The following MSTO1 variants were observed in gnomAD, a reference collection of about 807,000 sequenced individuals.
MSTO1 encodes misato mitochondrial distribution and morphology regulator 1.
MSTO1 carries 24 observed loss-of-function variants against 55.7 expected under a neutral mutation model. That is an observed-to-expected ratio of 0.43 (90% CI 0.31 to 0.61). The LOEUF (loss-of-function observed/expected upper bound fraction) is 0.61. Among genes scored for constraint, MSTO1 ranks in the 20% least tolerant of loss-of-function variants. MSTO1 has a pLI of 0.09. For missense variants in MSTO1, 363 were observed against 625.7 expected, an observed-to-expected ratio of 0.58 and a Z score of 4.48; for synonymous variants, 162 against 252.8, an observed-to-expected ratio of 0.64 and a Z score of 3.41.
At chr1:155,576,273 T>C in the MSTO1 span, among the ~76,000 whole-genome samples, 3 of 152,188 alleles carry the variant, frequency 2.0e-5, no homozygotes, top group Non-Finnish European at 2.9e-5. Flanking sequence ...GAAGTACAAG[T>C]GTCTGATTTG....
chr1:155,603,380 A>G, the MSTO1 span, among the ~76,000 whole-genome samples: 2 of 151,798 alleles, frequency 1.3e-5, no homozygotes, highest in East Asian at 1.9e-4. Context: ...CTGGGCATCA[A>G]TGAGACTCTG....
chr1:155,578,640 A>C, the MSTO1 span, among the ~76,000 whole-genome samples: 2 of 149,234 alleles, frequency 1.3e-5, no homozygotes, highest in African/African-American at 4.9e-5. Flanking sequence ...CCTCCCGAGT[A>C]GCTGGGACTA....
At chr1:155,606,815 C>T (rs781259112), upstream of MSTO1, among the ~76,000 whole-genome samples, 1 of 151,982 alleles carries the variant, frequency 6.6e-6, no homozygotes, top group Non-Finnish European at 1.5e-5. Flanking sequence ...GCCACTGCAG[C>T]CGGCCCAGAT....
At chr1:155,569,991 A>G in the MSTO1 span, among the ~76,000 whole-genome samples, 1 of 152,212 alleles carries the variant, frequency 6.6e-6, no homozygotes, top group Non-Finnish European at 1.5e-5. Context: ...AAGTCGAGAA[A>G]GATAATTACC....
At chr1:155,606,198 C>CTTTTTTTTTTTTTTTT (rs747681932), upstream of MSTO1, among the ~76,000 whole-genome samples, 21 of 28,106 alleles carry the variant, frequency 7.5e-4, 1 homozygote, top group Admixed American at 1.7e-3. Flanking sequence ...CATGCCCAGC[C>CTTTTTTTTTTTTTTTT]TTTTTTTTTT....
At chr1:155,597,244 G>A in the MSTO1 span, among the ~76,000 whole-genome samples, 3 of 152,038 alleles carry the variant, frequency 2.0e-5, no homozygotes, top group South Asian at 2.1e-4. Flanking sequence ...CAACGCAGGC[G>A]GATCACCTGA....
chr1:155,591,924 C>A, the MSTO1 span, among the ~76,000 whole-genome samples: 1 of 152,102 alleles, frequency 6.6e-6, no homozygotes, highest in African/African-American at 2.4e-5. Flanking sequence ...GGCAATATAG[C>A]AAGACCCCAC....
At chr1:155,590,862 G>A in the MSTO1 span, 9 of 1,611,028 alleles carry the variant, frequency 5.6e-6, no homozygotes, top group African/African-American at 1.1e-4. Context: ...AGCAAACGGG[G>A]ATTAGTGTCA....
Position 155,612,173 on chromosome 1 carries a change from C to T in MSTO1, c.679-9C>T, listed in dbSNP as rs1425737425. 2 of 1,613,830 alleles carry T rather than the reference C, an allele frequency of 1.2e-6. No individual in the cohort carries two copies. The highest frequency in any genetic ancestry group is 1.7e-5 in the Admixed American group (1 of 60,022). On this transcript the variant is annotated splice_polypyrimidine_tract_variant and intron_variant, in intron 7 of 13. Coordinates refer to ENST00000245564, the MANE Select transcript of MSTO1 (RefSeq NM_018116.4). ...TGCTAACTATCTTTTGTCACTCACC[C>T]CCGTCCAGGGCTTCCAGATCCTGTG...
At chr1:155,574,285 A>G in the MSTO1 span, among the ~76,000 whole-genome samples, 3 of 152,152 alleles carry the variant, frequency 2.0e-5, no homozygotes, top group Non-Finnish European at 4.4e-5. Context: ...GGTGGAGATT[A>G]CAATGAGCCA....
At chr1:155,564,292 G>A in the MSTO1 span, among the ~76,000 whole-genome samples, 16 of 152,284 alleles carry the variant, frequency 1.1e-4, no homozygotes, top group African/African-American at 3.4e-4. Flanking sequence ...TCAGGAGTTC[G>A]AGACCAGCCT....
upstream of MSTO1, among the ~76,000 whole-genome samples, chr1:155,608,589 T>A (rs928790635): frequency 7.2e-6 from 1 of 139,380 alleles, no homozygotes; most frequent in African/African-American, 2.7e-5. Flanking sequence ...AAGCTCCGCC[T>A]CCCGGGTTCA....
the MSTO1 span, among the ~76,000 whole-genome samples, chr1:155,598,272 A>G: frequency 1.3e-5 from 2 of 152,036 alleles, no homozygotes; most frequent in Admixed American, 1.3e-4. Flanking sequence ...ATGTGCCACC[A>G]CGGCCAGCTA....
the MSTO1 span, chr1:155,590,965 G>C: frequency 1.9e-6 from 3 of 1,613,706 alleles, no homozygotes; most frequent in African/African-American, 2.7e-5. Flanking sequence ...CTTGGCCCCA[G>C]CAAGGTAGAC....
At chr1:155,572,196 C>T in the MSTO1 span, among the ~76,000 whole-genome samples, 154 of 152,134 alleles carry the variant, frequency 1.0e-3, 2 homozygotes, top group Non-Finnish European at 1.8e-4. Context: ...ACTTTAGCAA[C>T]ATACCTGGCC....
the MSTO1 span, chr1:155,602,011 C>A: frequency 6.4e-4 from 304 of 474,022 alleles, 4 homozygotes; most frequent in South Asian, 5.3e-3. Context: ...ACCTCAGCCT[C>A]CCAAAGTGCT....
At chr1:155,610,209 G>T (rs1475775921), upstream of MSTO1, 2 of 701,156 alleles carry the variant, frequency 2.9e-6, no homozygotes, top group Admixed American at 2.7e-5. Flanking sequence ...AGCAGCGAGC[G>T]GCGCGGCTGA....
chr1:155,564,999 T>G, the MSTO1 span, among the ~76,000 whole-genome samples: 2 of 152,060 alleles, frequency 1.3e-5, no homozygotes, highest in Non-Finnish European at 2.9e-5. Context: ...TGGGCGCCTG[T>G]AATCCCAGCT....
upstream of MSTO1, among the ~76,000 whole-genome samples, chr1:155,606,386 TTTC>T (rs899177623): frequency 1.3e-5 from 2 of 150,188 alleles, no homozygotes; most frequent in Non-Finnish European, 1.5e-5. Context: ...TTTTCTATTT[TTTC>T]TTCTTCTTCT....
Sources: allele counts gnomAD v4.1 joint callset (sites outside exome capture counted in the v4.1 genomes callset), GRCh38; gene constraint gnomAD v4.1.1; transcripts MANE v1.5; gene names NCBI Gene and HGNC (gene_info 2026-07-23, HGNC 2026-07-21).